Variants in TMC2 observed in about 807,000 individuals in gnomAD.
TMC2 encodes transmembrane channel like 2.
TMC2 carries 102 observed loss-of-function variants against 105.9 expected under a neutral mutation model. The ratio of observed to expected loss-of-function variants is 0.96; its 90% CI spans 0.82 to 1.14. TMC2 has a LOEUF of 1.14. TMC2 is among the 50% of genes most tolerant of loss of function. The pLI is 0.00. For synonymous variants in TMC2, 402 were observed against 422.8 expected (o/e 0.95, Z 0.60); for missense variants, 1,093 against 1,134.3 (o/e 0.96, Z 0.52).
chr20:2,635,888 G>C, intron 17 of TMC2, 38 bp from the exon 18 acceptor site: 1 of 1,555,742 alleles, frequency 6.4e-7, no homozygotes, highest in Non-Finnish European at 8.9e-7. Context: ...CATCTGCCAA[G>C]ATCACGGGAC....
chr20:2,642,805 C>T lies in TMC2; in HGVS notation c.*1454C>T, dbSNP rs2086697847. Reference sequence around the variant, plus strand: ...GTGAGGCCTCAGAGGGCCCCAGAGACCCTCTCACCCATGTCTCTGAGTGTT... The same window carrying T: ...GTGAGGCCTCAGAGGGCCCCAGAGATCCTCTCACCCATGTCTCTGAGTGTT... On this transcript the variant is annotated 3_prime_UTR_variant, in exon 20 of 20. Transcript: ENST00000358864. 6.6e-6 allele frequency among the ~76,000 whole-genome samples: 1 copy of T among 151,980 alleles called. No homozygotes were observed. The highest frequency in any genetic ancestry group is 2.1e-4 in the South Asian group (1 of 4,824).
intron 2 of TMC2, among the ~76,000 whole-genome samples, chr20:2,543,331 C>T (rs1407665634): frequency 2.6e-5 from 4 of 152,248 alleles, no homozygotes; most frequent in Non-Finnish European, 4.4e-5. Context: ...AAGACAAAAC[C>T]GATCTATTGC....
chr20:2,624,242 T>A, intron 16 of TMC2, 29 bp from the exon 17 acceptor site: 1 of 1,608,312 alleles, frequency 6.2e-7, no homozygotes, highest in Admixed American at 1.7e-5. Context: ...CATGGCAGCA[T>A]GTTATATTGT....
At chr20:2,568,199 G>C (rs1286389887) in intron 4 of TMC2, among the ~76,000 whole-genome samples, 2 of 152,138 alleles carry the variant, frequency 1.3e-5, no homozygotes, top group African/African-American at 4.8e-5. Context: ...ACACATCATA[G>C]TCAAACTTCT....
intron 4 of TMC2, among the ~76,000 whole-genome samples, chr20:2,565,116 TTGAC>T: frequency 6.6e-6 from 1 of 152,236 alleles, no homozygotes; most frequent in Middle Eastern, 3.2e-3. Flanking sequence ...GTCCACTCTC[TTGAC>T]TGGATGCTGT....
chr20:2,567,761 T>C (rs1422329607), intron 4 of TMC2, among the ~76,000 whole-genome samples: 1 of 151,690 alleles, frequency 6.6e-6, no homozygotes, highest in Non-Finnish European at 1.5e-5. Flanking sequence ...ATGAAACAAA[T>C]GAGAAAAACA....
At chr20:2,617,636 A>C (rs531288546) in intron 16 of TMC2, 52 of 356,964 alleles carry the variant, frequency 1.5e-4, no homozygotes, top group Non-Finnish European at 2.5e-4. Context: ...TTGGGGGTAC[A>C]TGTGATATTT....
intron 2 of TMC2, among the ~76,000 whole-genome samples, chr20:2,555,132 G>A (rs927588766): frequency 6.6e-6 from 1 of 152,112 alleles, no homozygotes; most frequent in Non-Finnish European, 1.5e-5. Flanking sequence ...CCAGGCTGGA[G>A]TGCAATGGTG....
In TMC2 at chr20:2,612,274, C is replaced by T. The variant is rs199920387; in HGVS notation, c.1677C>T (p.Val559=). ...YYNSSGWNES[V]PRPPLHPADV... is the part of the protein sequence containing the mutation. ...ACTCTTCTGGTTGGAACGAGAGTGT[C>T]CCCCGACCACCCCTGCACCCTGCAG... is the stretch of plus-strand genomic sequence containing the variant. Residue 559 remains valine (V), a synonymous_variant, in exon 13 of 20, where the codon GTC becomes GTT. Coordinates refer to ENST00000358864, the MANE Select transcript of TMC2 (RefSeq NM_080751.3). The T allele has an allele frequency of 1.2e-6, 2 of 1,612,522 alleles. No individual in the cohort carries two copies. The highest frequency in any genetic ancestry group is 1.3e-5 in the African/African-American group (1 of 75,038).
intron 2 of TMC2, among the ~76,000 whole-genome samples, chr20:2,551,797 G>A (rs961144240): frequency 6.6e-6 from 1 of 152,098 alleles, no homozygotes; most frequent in Non-Finnish European, 1.5e-5. Context: ...ATTTGTGTGG[G>A]TCTATTTCTG....
intron 19 of TMC2, among the ~76,000 whole-genome samples, chr20:2,640,332 G>A (rs551024607): frequency 1.3e-5 from 2 of 152,150 alleles, no homozygotes; most frequent in African/African-American, 2.4e-5. Context: ...CAATTTCTTA[G>A]TAACTGGAAT....
chr20:2,606,290 C>T (rs758342089), intron 11 of TMC2, among the ~76,000 whole-genome samples: 8 of 152,230 alleles, frequency 5.3e-5, no homozygotes, highest in Middle Eastern at 3.4e-3. Context: ...GATGAAGTCT[C>T]GCTCTGTCAC....
intron 2 of TMC2, among the ~76,000 whole-genome samples, chr20:2,548,894 A>G (rs1186851033): frequency 6.6e-6 from 1 of 152,224 alleles, no homozygotes; most frequent in South Asian, 2.1e-4. Flanking sequence ...CAAGGAACCT[A>G]TATAAGTCTA....
intron 3 of TMC2, among the ~76,000 whole-genome samples, chr20:2,560,228 A>G (rs1395604410): frequency 6.6e-6 from 1 of 151,880 alleles, no homozygotes; most frequent in Non-Finnish European, 1.5e-5. Flanking sequence ...CAGAGACTCA[A>G]AGGCAGATAT....
intron 7 of TMC2, among the ~76,000 whole-genome samples, chr20:2,582,428 G>A (rs1402900929): frequency 6.6e-6 from 1 of 152,126 alleles, no homozygotes; most frequent in African/African-American, 2.4e-5. Context: ...AGGGTCCAGG[G>A]ATAAGAATAG....
At chr20:2,550,498 A>G (rs1160148907) in intron 2 of TMC2, among the ~76,000 whole-genome samples, 1 of 152,212 alleles carries the variant, frequency 6.6e-6, no homozygotes, top group African/African-American at 2.4e-5. Flanking sequence ...ATTATTAACT[A>G]AAGTGCATAT....
Position 2,547,635 on chromosome 20 carries a change from AGGT to A in TMC2, c.82+10320_82+10322del, listed in dbSNP as rs2085933207. 2.0e-5 allele frequency among the ~76,000 whole-genome samples: 3 copies of A among 152,226 alleles called. No homozygotes were observed. The South Asian group carries it at 6.2e-4, about 31-fold the overall frequency. The stretch of plus-strand genomic sequence containing the variant: ...ATCTCAAAGGTAGTCTTAGGTAAAA[AGGT>A]ATTCTGAAAGGTATTTAACTTCATT... On this transcript the variant is annotated intron_variant, in intron 2 of 19. Coordinates refer to ENST00000358864, the MANE Select transcript of TMC2 (RefSeq NM_080751.3).
At chr20:2,582,404 G>A (rs1029920758) in intron 7 of TMC2, among the ~76,000 whole-genome samples, 1 of 152,186 alleles carries the variant, frequency 6.6e-6, no homozygotes, top group Non-Finnish European at 1.5e-5. Flanking sequence ...TTAAAATGAA[G>A]CATAGTGAAC....
intron 14 of TMC2, 112 bp downstream of exon 14, chr20:2,613,434 G>T: frequency 6.8e-7 from 1 of 1,480,564 alleles, no homozygotes; most frequent in Non-Finnish European, 9.4e-7. Flanking sequence ...CTTAATGACG[G>T]TCTCTGCTCT....
Sources: allele counts gnomAD v4.1 joint callset (sites outside exome capture counted in the v4.1 genomes callset), GRCh38; gene constraint gnomAD v4.1.1; transcripts MANE v1.5; gene names NCBI Gene and HGNC (gene_info 2026-07-23, HGNC 2026-07-21).